The following DAB1 variants were observed in gnomAD, a reference collection of about 807,000 sequenced individuals.
DAB1 encodes the protein disabled homolog 1.
In DAB1, 15 loss-of-function variants were observed where a neutral mutation model predicts 64.6. The observed-to-expected ratio is 0.23, with a 90% CI of 0.16 to 0.36. The LOEUF (loss-of-function observed/expected upper bound fraction) is 0.36. Ranked by LOEUF, DAB1 falls within the 10% of genes least tolerant of loss-of-function variation. DAB1 has a pLI of 1.00. For missense variants in DAB1, 596 were observed against 706.7 expected, an observed-to-expected ratio of 0.84 and a Z score of 1.78; for synonymous variants, 235 against 251.9, an observed-to-expected ratio of 0.93 and a Z score of 0.64.
chr1:58,369,148 C>T (rs1364499958), intron 3 of DAB1, among the ~76,000 whole-genome samples: 1 of 152,176 alleles, frequency 6.6e-6, no homozygotes, highest in Non-Finnish European at 1.5e-5. Flanking sequence ...TGAAAGTATG[C>T]TCAATTTTCC....
At chr1:57,076,399 A>G (rs1195586438) in intron 4 of DAB1, among the ~76,000 whole-genome samples, 1 of 152,208 alleles carries the variant, frequency 6.6e-6, no homozygotes, top group Non-Finnish European at 1.5e-5. Context: ...TCTTAAAAGT[A>G]GAGCCTTCAG....
At chr1:57,284,171 T>C (rs1050751340) in intron 2 of DAB1, among the ~76,000 whole-genome samples, 5 of 152,198 alleles carry the variant, frequency 3.3e-5, no homozygotes, top group Non-Finnish European at 5.9e-5. Context: ...ATGCATTTTA[T>C]GAACAGTAAT....
intron 7 of DAB1, among the ~76,000 whole-genome samples, chr1:57,507,274 T>C (rs1644355207): frequency 6.6e-6 from 1 of 152,188 alleles, no homozygotes; most frequent in African/African-American, 2.4e-5. Context: ...CGTCTCTGAT[T>C]ATGGAGCTCT....
At chr1:57,080,305 T>C (rs369601241) in intron 4 of DAB1, among the ~76,000 whole-genome samples, 1 of 152,226 alleles carries the variant, frequency 6.6e-6, no homozygotes, top group Non-Finnish European at 1.5e-5. Context: ...TGAATGAATC[T>C]GTCAGCAGGA....
intron 6 of DAB1, among the ~76,000 whole-genome samples, chr1:57,697,084 C>G (rs1646853588): frequency 6.6e-6 from 1 of 152,100 alleles, no homozygotes; most frequent in South Asian, 2.1e-4. Context: ...ATACTATATG[C>G]AATTATCTTG....
At position 58,471,949 on chromosome 1, in the gene DAB1, T is replaced by A. The variant is rs147572988; in HGVS notation, n.257+34111A>T. Reference sequence around the variant, plus strand: ...TTATTTTAGCAATTCAAGAACAGACTAATACAGCTGGGCAACAACAGCATT... The same window carrying A: ...TTATTTTAGCAATTCAAGAACAGACAAATACAGCTGGGCAACAACAGCATT... On this transcript the variant is annotated intron_variant and non_coding_transcript_variant, in intron 3 of 20. Coordinates refer to the DAB1 transcript ENST00000485760. Among the ~76,000 whole-genome samples the A allele has an allele frequency of 6.6e-5, 10 of 152,342 alleles. No homozygotes were observed. The East Asian group carries it at 1.9e-3, about 29-fold the overall frequency.
chr1:57,616,691 T>C (rs1275305171), intron 7 of DAB1, among the ~76,000 whole-genome samples: 1 of 152,216 alleles, frequency 6.6e-6, no homozygotes, highest in Non-Finnish European at 1.5e-5. Flanking sequence ...AGACCCCCTT[T>C]AGGCAATCTG....
rs116262919 is a variant in DAB1 at position 58,156,497 on chromosome 1, T to C, written n.310-5909A>G. ...ATGGAGCAATTCAGGGTGTTTTTTGTTCCACAAGGAACCACAGTCCAGTGA... is the reference window on the plus strand; with the variant it reads ...ATGGAGCAATTCAGGGTGTTTTTTGCTCCACAAGGAACCACAGTCCAGTGA... On this transcript the variant is annotated intron_variant and non_coding_transcript_variant, in intron 4 of 20. Transcript: ENST00000485760. Among the ~76,000 whole-genome samples the C allele has an allele frequency of 3.4e-3, 522 of 152,298 alleles. 4 individuals are homozygous for C. The highest frequency in any genetic ancestry group is 0.012 in the African/African-American group (507 of 41,568).
intron 4 of DAB1, among the ~76,000 whole-genome samples, chr1:58,238,892 T>C (rs1254714222): frequency 6.6e-6 from 1 of 152,116 alleles, no homozygotes; most frequent in African/African-American, 2.4e-5. Context: ...ACTAAACAGA[T>C]ACACTTACAT....
chr1:57,665,849 C>CTCTGTG (rs748074939), intron 6 of DAB1, among the ~76,000 whole-genome samples: 255 of 137,234 alleles, frequency 1.9e-3, no homozygotes, highest in Admixed American at 4.4e-3. Flanking sequence ...TTTTAATTAT[C>CTCTGTG]TGTGTGTGTG....
intron 1 of DAB1, among the ~76,000 whole-genome samples, chr1:57,392,321 G>A (rs1341905988): frequency 2.6e-5 from 4 of 152,166 alleles, no homozygotes; most frequent in African/African-American, 7.2e-5. Flanking sequence ...TGCAGTGAGC[G>A]AGATCGTGCC....
intron 7 of DAB1, among the ~76,000 whole-genome samples, chr1:57,590,282 T>C (rs1645428152): frequency 6.6e-6 from 1 of 152,000 alleles, no homozygotes; most frequent in African/African-American, 2.4e-5. Flanking sequence ...CTTATGATCT[T>C]ACTTAACCTT....
At chr1:57,190,726 C>T (rs1320382460) in intron 2 of DAB1, among the ~76,000 whole-genome samples, 2 of 152,288 alleles carry the variant, frequency 1.3e-5, no homozygotes, top group Non-Finnish European at 2.9e-5. Context: ...ACCACCACCA[C>T]CACTCAGAGA....
At chr1:57,941,079 TCTC>T (rs1031227823) in intron 5 of DAB1, among the ~76,000 whole-genome samples, 34 of 152,172 alleles carry the variant, frequency 2.2e-4, no homozygotes, top group African/African-American at 7.7e-4. Flanking sequence ...TCTGGAGAAA[TCTC>T]CTCCTTTAGG....
At chr1:57,678,242 C>T (rs1328256841) in intron 6 of DAB1, among the ~76,000 whole-genome samples, 1 of 152,124 alleles carries the variant, frequency 6.6e-6, no homozygotes. Context: ...TTAACAAGTG[C>T]CCATATTGTG....
rs139850179 is a variant in DAB1, at chr1:57,016,730, G to A, written c.896-1299C>T. On this transcript the variant is annotated intron_variant, in intron 11 of 14. Transcript: ENST00000371236. The stretch of plus-strand genomic sequence containing the variant: ...TTGTTCACTGTATTATTCTTTTTAG[G>A]TAAGACATATACATTTCAACAGGAG... Among the ~76,000 whole-genome samples the A allele has an allele frequency of 2.4e-3, 361 of 152,124 alleles. 1 individual carries two copies. The highest frequency in any genetic ancestry group is 8.4e-3 in the African/African-American group (349 of 41,486).
intron 9 of DAB1, among the ~76,000 whole-genome samples, chr1:57,049,450 CAAAAAAAAAAAAAA>C (rs574438911): frequency 3.7e-4 from 9 of 24,586 alleles, no homozygotes; most frequent in East Asian, 1.8e-3. Flanking sequence ...GACTCCGTCT[CAAAAAAAAAAAAAA>C]AAAAAAAAAA....
intron 1 of DAB1, among the ~76,000 whole-genome samples, chr1:57,837,263 T>C (rs1280941517): frequency 6.6e-6 from 1 of 152,198 alleles, no homozygotes; most frequent in Non-Finnish European, 1.5e-5. Context: ...CAGCGGGTGC[T>C]AAGTGTTTTT....
rs530711188 is a variant in DAB1 at position 57,814,852 on chromosome 1, G to A, written n.551+69147C>T. On this transcript the variant is annotated intron_variant and non_coding_transcript_variant, in intron 6 of 20. Coordinates refer to the DAB1 transcript ENST00000485760. ...TGCTACTCATTCATTGTATGAGTGTGAGCAAATCGCTTAGTGCCCTGAGAG... is the reference window on the plus strand; with the variant it reads ...TGCTACTCATTCATTGTATGAGTGTAAGCAAATCGCTTAGTGCCCTGAGAG... 7.9e-4 allele frequency among the ~76,000 whole-genome samples: 121 copies of A among 152,214 alleles called. 1 individual carries two copies. Among genetic ancestry groups the A allele is most frequent in the African/African-American group, 2.9e-3 (119 of 41,542 alleles).
Sources: gnomAD v4.1 joint callset for allele counts (sites outside exome capture counted in the v4.1 genomes callset) on GRCh38, gnomAD v4.1.1 for gene constraint, MANE v1.5 for transcripts, NCBI Gene and HGNC (gene_info 2026-07-23, HGNC 2026-07-21) for gene names.